ATP11C: variants seen among roughly 807,000 people sequenced by gnomAD.
ATP11C encodes the protein ATPase phospholipid transporting 11C (ATP11C blood group).
Under a neutral mutation model 97.4 loss-of-function variants are expected in ATP11C, and 36 were observed. The observed-to-expected ratio is 0.37, with a 90% CI of 0.28 to 0.49. The LOEUF (loss-of-function observed/expected upper bound fraction) is 0.49, where lower values mean the gene tolerates loss of function less well. ATP11C is among the 20% of genes least tolerant of loss of function. The pLI is 0.98. For synonymous variants in ATP11C, 275 were observed against 290.9 expected (o/e 0.95, Z 0.56); for missense variants, 730 against 824.6 (o/e 0.89, Z 1.40).
At chrX:139,822,325 T>C in intron 2 of ATP11C, among the ~76,000 whole-genome samples, 1 of 110,996 alleles carries the variant, frequency 9.0e-6, no homozygotes, top group Non-Finnish European at 1.9e-5. Flanking sequence ...GCCTCCTGAG[T>C]AGCTGGGACT....
intron 14 of ATP11C, 99 bp from the exon 15 acceptor site, chrX:139,787,343 G>C (rs2082595953): frequency 2.9e-6 from 2 of 701,281 alleles, no homozygotes; most frequent in African/African-American, 4.6e-5. Flanking sequence ...TGTTGCCCAG[G>C]CTGGAGTGCA....
rs775150285 is a variant in ATP11C at position 139,768,427 on chromosome X, T to A, written c.2224A>T (p.Thr742Ser). 1 of 1,104,021 alleles carries A rather than the reference T, an allele frequency of 9.1e-7. No homozygotes were observed. Among genetic ancestry groups the A allele is most frequent in the Non-Finnish European group, 1.2e-6 (1 of 837,101 alleles). 91.0% of individuals were successfully genotyped at this position (1,104,021 alleles called of 1,213,427 possible). A position where few individuals can be genotyped will look rare whatever the true frequency, so the allele number is the denominator to read the frequency against. Reference sequence around the variant, plus strand: ...ATTAATCCATATTCCTGATGTTCTGTCCATGCTCTGAAAAAGAGAAACAAT... The same window carrying A: ...ATTAATCCATATTCCTGATGTTCTGACCATGCTCTGAAAAAGAGAAACAAT... ...KSTRSFKKAW[T>S]EHQEYGLIID... Residue 742 changes from threonine (T) to serine (S), a missense_variant, in exon 20 of 30, where the codon ACA becomes TCA. Coordinates refer to ENST00000682941, the MANE Select transcript of ATP11C (RefSeq NM_001353812.2).
intron 1 of ATP11C, among the ~76,000 whole-genome samples, chrX:139,915,583 T>C (rs1731545531): frequency 9.1e-6 from 1 of 109,524 alleles, no homozygotes; most frequent in Admixed American, 9.9e-5. Context: ...GGCACGAAAA[T>C]AATTTGAACC....
At chrX:139,749,718 T>G (rs968115679) in intron 24 of ATP11C, among the ~76,000 whole-genome samples, 10 of 112,122 alleles carry the variant, frequency 8.9e-5, no homozygotes, top group African/African-American at 2.9e-4. Flanking sequence ...TATGCTTTTT[T>G]TCTTTGCAGT....
chrX:139,820,892 G>A (rs373318100), intron 2 of ATP11C, among the ~76,000 whole-genome samples: 15 of 111,087 alleles, frequency 1.4e-4, no homozygotes, highest in Middle Eastern at 4.7e-3. Flanking sequence ...AGAGTTCTGC[G>A]GTTGACAGTT....
intron 1 of ATP11C, among the ~76,000 whole-genome samples, chrX:139,922,568 A>T (rs1174443227): frequency 9.3e-6 from 1 of 108,066 alleles, no homozygotes; most frequent in African/African-American, 3.4e-5. Flanking sequence ...TCAGGCCATG[A>T]AGGTGGAGCC....
At position 139,779,257 on chromosome X, in the gene ATP11C, A is replaced by C. The variant is rs774210803; in HGVS notation, c.1952+3290T>G. ...TGGACCTAATAGACATTTACAAAAC[A>C]CTCTACTCAACAACTGCGGAACATA... On this transcript the variant is annotated intron_variant, in intron 18 of 29. Coordinates refer to ENST00000682941, the MANE Select transcript of ATP11C (RefSeq NM_001353812.2). 1.3e-4 allele frequency among the ~76,000 whole-genome samples: 15 copies of C among 111,537 alleles called. No individual in the cohort carries two copies. In the Middle Eastern group the frequency reaches 0.014, roughly 103 times the overall value.
chrX:139,732,579 C>T (rs1322466869), intron 28 of ATP11C: 15 of 188,402 alleles, frequency 8.0e-5, no homozygotes, highest in African/African-American at 5.4e-4. Flanking sequence ...AAGAGAAATG[C>T]AGAAACCAAA....
chrX:139,751,822 C>T (rs1462682682), intron 23 of ATP11C, among the ~76,000 whole-genome samples: 2 of 104,996 alleles, frequency 1.9e-5, no homozygotes, highest in Non-Finnish European at 3.8e-5. Context: ...CCTAGTTTTG[C>T]TAAAGAAAGG....
rs1207351151 is a variant in ATP11C at position 139,860,083 on chromosome X, C to T, written c.28-33260G>A. ...TCCCGCCACTGCACTCCAGCCTGGG[C>T]GACAGAGCGAGACTCCGTCTCAAAA... On this transcript the variant is annotated intron_variant, in intron 1 of 29. Coordinates refer to ENST00000682941, the MANE Select transcript of ATP11C (RefSeq NM_001353812.2). 2.4e-4 allele frequency among the ~76,000 whole-genome samples: 15 copies of T among 61,568 alleles called. 2 individuals are homozygous for T. Among genetic ancestry groups the T allele is most frequent in the African/African-American group, 2.1e-3 (12 of 5,663 alleles). 53.5% of individuals were successfully genotyped at this position (61,568 alleles called of 115,157 possible).
At chrX:139,801,697 A>T in intron 7 of ATP11C, among the ~76,000 whole-genome samples, 1 of 111,861 alleles carries the variant, frequency 8.9e-6, no homozygotes, top group Non-Finnish European at 1.9e-5. Context: ...ATGACTAATA[A>T]TCAGCAAACC....
At chrX:139,747,543 C>G (rs928174434) in intron 24 of ATP11C, among the ~76,000 whole-genome samples, 1 of 111,431 alleles carries the variant, frequency 9.0e-6, no homozygotes, top group African/African-American at 3.3e-5. Context: ...TTTCTTTTGC[C>G]TTTTAAAGCT....
chrX:139,801,663 A>C lies in ATP11C; in HGVS notation c.659+573T>G, dbSNP rs180732871. Among the ~76,000 whole-genome samples, 12 of 111,875 alleles carry C rather than the reference A, an allele frequency of 1.1e-4. No homozygotes were observed. In the East Asian group the frequency reaches 3.4e-3, roughly 32 times the overall value. ...ACCCAACTAACCAGTCTTGAAATCA[A>C]ACGCCAATTTTTGACAACCCACAAT... is the stretch of plus-strand genomic sequence containing the variant. On this transcript the variant is annotated intron_variant, in intron 7 of 29. Transcript: ENST00000682941.
chrX:139,836,323 T>G (rs1403304627), intron 1 of ATP11C, among the ~76,000 whole-genome samples: 1 of 110,435 alleles, frequency 9.1e-6, no homozygotes, highest in Non-Finnish European at 1.9e-5. Context: ...CGAGACCAGA[T>G]TGGCCAACAT....
intron 1 of ATP11C, among the ~76,000 whole-genome samples, chrX:139,904,925 G>A (rs776993428): frequency 4.5e-5 from 5 of 111,819 alleles, no homozygotes; most frequent in Non-Finnish European, 7.5e-5. Flanking sequence ...AAGTATGAAC[G>A]GAGCTACTAG....
chrX:139,745,693 C>T, intron 25 of ATP11C, 29 bp downstream of exon 25: 2 of 1,189,872 alleles, frequency 1.7e-6, no homozygotes, highest in Non-Finnish European at 2.3e-6. Context: ...CTTATAATAC[C>T]AAAAGATGTA....
At chrX:139,786,394 T>C (rs1328815271) in intron 15 of ATP11C, among the ~76,000 whole-genome samples, 3 of 111,338 alleles carry the variant, frequency 2.7e-5, no homozygotes, top group Non-Finnish European at 5.7e-5. Context: ...GTGGGCACTG[T>C]TGCAGATGGG....
intron 2 of ATP11C, among the ~76,000 whole-genome samples, chrX:139,821,605 G>C (rs1465768825): frequency 8.9e-6 from 1 of 112,052 alleles, no homozygotes; most frequent in African/African-American, 3.2e-5. Context: ...TCGTTTTTAA[G>C]TCCCAACTGT....
chrX:139,821,452 C>A (rs2083407495), intron 2 of ATP11C, among the ~76,000 whole-genome samples: 1 of 112,272 alleles, frequency 8.9e-6, no homozygotes. Flanking sequence ...AAGCTAAACT[C>A]CAACAACAGG....
Sources: gnomAD v4.1 joint callset for allele counts (sites outside exome capture counted in the v4.1 genomes callset) on GRCh38, gnomAD v4.1.1 for gene constraint, MANE v1.5 for transcripts, NCBI Gene and HGNC (gene_info 2026-07-23, HGNC 2026-07-21) for gene names.